The following GRM8 variants were observed in gnomAD, a reference collection of about 807,000 sequenced individuals.
GRM8 encodes glutamate metabotropic receptor 8, also known as metabotropic glutamate receptor 8.
A neutral mutation model predicts 87.2 loss-of-function variants in GRM8; 47 were observed. The observed-to-expected ratio is 0.54, with a 90% CI of 0.43 to 0.69. The LOEUF (loss-of-function observed/expected upper bound fraction) is 0.69. Ranked by LOEUF, GRM8 falls within the 30% of genes least tolerant of loss-of-function variation. The pLI, the probability that GRM8 is intolerant of heterozygous loss-of-function variation, is 0.00. For synonymous variants in GRM8, 396 were observed against 404.5 expected, an observed-to-expected ratio of 0.98 and a Z score of 0.25; for missense variants, 1,019 against 1,139.2, an observed-to-expected ratio of 0.89 and a Z score of 1.52.
At chr7:126,596,300 C>G (rs1797194652) in intron 8 of GRM8, among the ~76,000 whole-genome samples, 1 of 152,144 alleles carries the variant, frequency 6.6e-6, no homozygotes, top group Non-Finnish European at 1.5e-5. Context: ...CCCATTTTCT[C>G]CATAACCTCA....
At chr7:127,166,473 T>G (rs939739657) in intron 2 of GRM8, among the ~76,000 whole-genome samples, 17 of 152,130 alleles carry the variant, frequency 1.1e-4, no homozygotes, top group Non-Finnish European at 1.6e-4. Flanking sequence ...ATGAAGGCCA[T>G]ACAAAATCAG....
chr7:127,070,335 A>G (rs570729004), intron 3 of GRM8, among the ~76,000 whole-genome samples: 18 of 152,264 alleles, frequency 1.2e-4, no homozygotes, highest in South Asian at 4.1e-4. Context: ...AAGAAAAATC[A>G]TGATTTCCAG....
At chr7:126,519,330 G>GATTTCATGGATTAGTTA (rs757241296) in intron 9 of GRM8, among the ~76,000 whole-genome samples, 56 of 152,168 alleles carry the variant, frequency 3.7e-4, no homozygotes, top group Non-Finnish European at 7.1e-4. Flanking sequence ...TGGATTAGTT[G>GATTTCATGGATTAGTTA]ATTTCATAAG....
intron 7 of GRM8, among the ~76,000 whole-genome samples, chr7:126,621,258 C>G (rs1469495087): frequency 6.6e-6 from 1 of 152,184 alleles, no homozygotes; most frequent in East Asian, 1.9e-4. Flanking sequence ...ATCAATTACT[C>G]ACCCCAGTTC....
intron 3 of GRM8, among the ~76,000 whole-genome samples, chr7:126,960,155 T>C (rs971959310): frequency 2.6e-5 from 4 of 152,128 alleles, no homozygotes; most frequent in African/African-American, 7.2e-5. Flanking sequence ...CCAATTTTTC[T>C]ACTCTGACAA....
intron 3 of GRM8, among the ~76,000 whole-genome samples, chr7:127,010,467 C>G (rs1429977653): frequency 6.6e-6 from 1 of 152,028 alleles, no homozygotes; most frequent in African/African-American, 2.4e-5. Flanking sequence ...GGCTGGATGT[C>G]AGGAAGTAAC....
chr7:127,076,222 A>G (rs149337735), intron 3 of GRM8: 51 of 456,574 alleles, frequency 1.1e-4, no homozygotes, highest in Middle Eastern at 3.3e-4. Flanking sequence ...TGAATCCCAA[A>G]CAGGGATGGA....
chr7:126,708,738 T>C (rs965314626), intron 7 of GRM8, among the ~76,000 whole-genome samples: 2 of 152,008 alleles, frequency 1.3e-5, no homozygotes, highest in Non-Finnish European at 2.9e-5. Flanking sequence ...CTCAGTTATA[T>C]GTGGAATCTA....
chr7:126,761,729 T>C (rs1202535066), intron 7 of GRM8, among the ~76,000 whole-genome samples: 1 of 152,230 alleles, frequency 6.6e-6, no homozygotes, highest in Non-Finnish European at 1.5e-5. Flanking sequence ...CCACAACCAC[T>C]GTGTTACATT....
intron 8 of GRM8, among the ~76,000 whole-genome samples, chr7:126,545,342 T>A (rs921496180): frequency 1.3e-5 from 2 of 152,244 alleles, no homozygotes; most frequent in Non-Finnish European, 2.9e-5. Context: ...TGAAGTAGAA[T>A]AATCTTTTCC....
intron 3 of GRM8, among the ~76,000 whole-genome samples, chr7:126,948,850 A>C (rs1360213277): frequency 6.6e-6 from 1 of 152,228 alleles, no homozygotes; most frequent in Non-Finnish European, 1.5e-5. Flanking sequence ...TCCTGAACCC[A>C]AGAGAAGCAT....
At chr7:127,211,148 T>C (rs189206326) in intron 2 of GRM8, among the ~76,000 whole-genome samples, 1 of 152,076 alleles carries the variant, frequency 6.6e-6, no homozygotes, top group African/African-American at 2.4e-5. Flanking sequence ...CAAGGCGAGG[T>C]CCTACAACAG....
chr7:126,770,146 T>G, intron 6 of GRM8, 81 bp from the exon 7 acceptor site: 3 of 885,770 alleles, frequency 3.4e-6, no homozygotes, highest in African/African-American at 1.7e-5. Context: ...TTTCCATCAT[T>G]TGAGGAACAC....
chr7:126,958,465 G>A (rs1018820583), intron 3 of GRM8, among the ~76,000 whole-genome samples: 9 of 152,276 alleles, frequency 5.9e-5, no homozygotes, highest in Non-Finnish European at 8.8e-5. Context: ...TGGTCCAGCC[G>A]CAGCCTTGCA....
At chr7:127,059,349 T>G (rs1210809969) in intron 3 of GRM8, among the ~76,000 whole-genome samples, 1 of 150,930 alleles carries the variant, frequency 6.6e-6, no homozygotes, top group Non-Finnish European at 1.5e-5. Flanking sequence ...TTTTTTTGTT[T>G]TTTTTGAGAT....
intron 3 of GRM8, among the ~76,000 whole-genome samples, chr7:126,980,474 A>G (rs953966277): frequency 3.3e-5 from 5 of 152,290 alleles, no homozygotes; most frequent in Middle Eastern, 3.4e-3. Context: ...AATGGTTTTA[A>G]TATTTACTTG....
chr7:126,782,758 T>G (rs1820218132), intron 6 of GRM8, among the ~76,000 whole-genome samples: 2 of 152,282 alleles, frequency 1.3e-5, no homozygotes, highest in African/African-American at 4.8e-5. Context: ...AGGGTGTCTG[T>G]GTGTATTATT....
intron 3 of GRM8, among the ~76,000 whole-genome samples, chr7:127,053,694 A>G (rs1819697133): frequency 6.8e-6 from 1 of 147,816 alleles, no homozygotes; most frequent in Non-Finnish European, 1.5e-5. Flanking sequence ...AGGCTGAGGC[A>G]GGAGAATCAC....
At chr7:127,091,063 G>A (rs1824015183) in intron 3 of GRM8, 1 of 152,140 alleles carries the variant, frequency 6.6e-6, no homozygotes, top group South Asian at 2.1e-4. Flanking sequence ...TGTCTGCATG[G>A]GACCTCAGAA....
Sources: allele counts gnomAD v4.1 joint callset (sites outside exome capture counted in the v4.1 genomes callset), GRCh38; gene constraint gnomAD v4.1.1; transcripts MANE v1.5; gene names NCBI Gene and HGNC (gene_info 2026-07-23, HGNC 2026-07-21).